SCLT1: variants seen among roughly 807,000 people sequenced by gnomAD.
SCLT1 encodes sodium channel and clathrin linker 1, also known as sodium channel-associated protein 1.
SCLT1 carries 78 observed loss-of-function variants against 112.8 expected under a neutral mutation model. The observed-to-expected ratio is 0.69, with a 90% CI of 0.58 to 0.83. The LOEUF (loss-of-function observed/expected upper bound fraction) is 0.83. Among genes scored for constraint, SCLT1 ranks in the 40% least tolerant of loss-of-function variants. The probability of loss-of-function intolerance (pLI) is 0.00; values close to 1 mark genes in which losing one functional copy is unlikely to be tolerated. For synonymous variants in SCLT1, 257 were observed against 254.7 expected, an observed-to-expected ratio of 1.01 and a Z score of -0.09; for missense variants, 747 against 770.4, an observed-to-expected ratio of 0.97 and a Z score of 0.36.
rs543381218 is a variant in SCLT1 at position 129,049,249 on chromosome 4, G to C, written c.103-5198C>G. 5.0e-3 allele frequency among the ~76,000 whole-genome samples: 764 copies of C among 151,814 alleles called. 34 individuals carry two copies. Among genetic ancestry groups the C allele is most frequent in the Admixed American group, 0.044 (666 of 15,236 alleles). ...CCAACCCAAATGTCCAACAATGATA[G>C]ACTGGATTAAGAAAATGTGGCACAT... On this transcript the variant is annotated intron_variant, in intron 2 of 20. Transcript: ENST00000281142.
At chr4:129,027,613 G>T (rs942190057) in intron 5 of SCLT1, among the ~76,000 whole-genome samples, 1 of 152,024 alleles carries the variant, frequency 6.6e-6, no homozygotes, top group Non-Finnish European at 1.5e-5. Context: ...TTGAAAACTG[G>T]CACAAGACAG....
At chr4:128,983,972 G>T (rs2126056566) in intron 9 of SCLT1, among the ~76,000 whole-genome samples, 1 of 152,274 alleles carries the variant, frequency 6.6e-6, no homozygotes, top group South Asian at 2.1e-4. Context: ...TTCCGTAAAA[G>T]AAGCATCTGT....
chr4:129,029,240 C>A (rs75856404), intron 5 of SCLT1, among the ~76,000 whole-genome samples: 1 of 151,818 alleles, frequency 6.6e-6, no homozygotes, highest in Non-Finnish European at 1.5e-5. Flanking sequence ...ATGTTTATTG[C>A]GGCACTATTC....
chr4:128,918,067 C>A (rs1735604264), intron 18 of SCLT1, among the ~76,000 whole-genome samples: 2 of 152,122 alleles, frequency 1.3e-5, no homozygotes, highest in African/African-American at 4.8e-5. Flanking sequence ...CCCAGAAACC[C>A]CACCCTTAGT....
intron 11 of SCLT1, among the ~76,000 whole-genome samples, chr4:128,962,014 C>A (rs1739780724): frequency 6.6e-6 from 1 of 152,148 alleles, no homozygotes; most frequent in Non-Finnish European, 1.5e-5. Context: ...GGGGTTCCAG[C>A]CTGCCTAAGG....
chr4:129,043,505 C>T (rs754165371), intron 3 of SCLT1, 38 bp from the exon 4 acceptor site: 1 of 901,344 alleles, frequency 1.1e-6, no homozygotes, highest in East Asian at 2.6e-5. Flanking sequence ...TATTCTGTTC[C>T]ATCTAGTTTA....
At chr4:129,081,181 C>A (rs947817352) in intron 2 of SCLT1, among the ~76,000 whole-genome samples, 6 of 152,222 alleles carry the variant, frequency 3.9e-5, no homozygotes, top group African/African-American at 1.4e-4. Flanking sequence ...TTCACAGAAA[C>A]CGCCACTGCT....
chr4:129,003,986 A>AT (rs1743770196), intron 5 of SCLT1, 110 bp from the exon 6 acceptor site: 3 of 919,294 alleles, frequency 3.3e-6, no homozygotes, highest in Non-Finnish European at 3.4e-6. Context: ...AAACAAAATC[A>AT]TTTTTAAGTA....
At chr4:129,067,429 A>C (rs1750590157) in intron 2 of SCLT1, among the ~76,000 whole-genome samples, 1 of 151,984 alleles carries the variant, frequency 6.6e-6, no homozygotes, top group Non-Finnish European at 1.5e-5. Context: ...CAAAATAATA[A>C]ATGCATCTAG....
intron 5 of SCLT1, among the ~76,000 whole-genome samples, chr4:129,025,361 C>T (rs1196405421): frequency 2.0e-5 from 3 of 152,164 alleles, no homozygotes; most frequent in Non-Finnish European, 4.4e-5. Flanking sequence ...TTGGCAGAAA[C>T]GCTACAAGCC....
At chr4:128,906,299 G>A (rs577575255) in intron 18 of SCLT1, among the ~76,000 whole-genome samples, 82 of 152,184 alleles carry the variant, frequency 5.4e-4, no homozygotes, top group African/African-American at 1.9e-3. Flanking sequence ...CCGGGTTCAC[G>A]TCATTCTCCT....
At chr4:129,069,803 T>C (rs1750823648) in intron 2 of SCLT1, among the ~76,000 whole-genome samples, 1 of 152,114 alleles carries the variant, frequency 6.6e-6, no homozygotes, top group Admixed American at 6.6e-5. Context: ...TGAAGAGGAG[T>C]GGTAAGAGTG....
intron 6 of SCLT1, among the ~76,000 whole-genome samples, chr4:129,002,249 T>C (rs556695607): frequency 3.9e-5 from 6 of 151,976 alleles, no homozygotes; most frequent in Non-Finnish European, 8.8e-5. Context: ...AGTAGAAGAA[T>C]GGGGATTTAA....
intron 9 of SCLT1, among the ~76,000 whole-genome samples, chr4:128,977,598 G>A (rs960816225): frequency 6.6e-5 from 10 of 152,136 alleles, no homozygotes; most frequent in African/African-American, 2.4e-4. Context: ...AGAAATATCT[G>A]AGCTACGACC....
chr4:128,948,115 C>T (rs1279861518), intron 15 of SCLT1, among the ~76,000 whole-genome samples: 4 of 151,764 alleles, frequency 2.6e-5, no homozygotes, highest in Admixed American at 2.6e-4. Flanking sequence ...GCAGGCGGAT[C>T]ACGAGGTCAG....
At chr4:128,937,386 T>G (rs187664081) in intron 17 of SCLT1, among the ~76,000 whole-genome samples, 1 of 152,180 alleles carries the variant, frequency 6.6e-6, no homozygotes, top group East Asian at 1.9e-4. Flanking sequence ...TATGATGAAC[T>G]ATATATTTTT....
At chr4:128,905,469 T>C (rs994718298) in intron 18 of SCLT1, among the ~76,000 whole-genome samples, 5 of 152,212 alleles carry the variant, frequency 3.3e-5, no homozygotes, top group Non-Finnish European at 7.4e-5. Flanking sequence ...AAGTGGTCTT[T>C]AAACTCTAAG....
chr4:129,085,830 G>A (rs538358162), intron 1 of SCLT1, among the ~76,000 whole-genome samples: 2 of 151,918 alleles, frequency 1.3e-5, no homozygotes, highest in Non-Finnish European at 2.9e-5. Flanking sequence ...ACATGGAGGG[G>A]ACCAACACAC....
At chr4:129,065,611 C>CATTAGATAGAG (rs150567168) in intron 2 of SCLT1, among the ~76,000 whole-genome samples, 41,569 of 151,758 alleles carry the variant, frequency 0.27, 5,971 homozygotes, top group South Asian at 0.35. Flanking sequence ...TAATGAAACA[C>CATTAGATAGAG]ATAGCGTGTG....
Sources: allele counts gnomAD v4.1 joint callset (sites outside exome capture counted in the v4.1 genomes callset), GRCh38; gene constraint gnomAD v4.1.1; transcripts MANE v1.5; gene names NCBI Gene and HGNC (gene_info 2026-07-23, HGNC 2026-07-21).